The following RXRG variants were observed in gnomAD, a reference collection of about 807,000 sequenced individuals.
The protein encoded by RXRG is retinoic acid receptor RXR-gamma.
In RXRG, 19 loss-of-function variants were observed where a neutral mutation model predicts 49.2. That is an observed-to-expected ratio of 0.39 (90% CI 0.27 to 0.57). The LOEUF (loss-of-function observed/expected upper bound fraction) is 0.57, where lower values mean the gene tolerates loss of function less well. Among genes scored for constraint, RXRG ranks in the 20% least tolerant of loss-of-function variants. The pLI is 0.64. For missense variants in RXRG, 452 were observed against 592.5 expected, an observed-to-expected ratio of 0.76 and a Z score of 2.46; for synonymous variants, 224 against 216.6, an observed-to-expected ratio of 1.03 and a Z score of -0.30.
At chr1:165,413,904 C>G (rs2101715169) in intron 4 of RXRG, among the ~76,000 whole-genome samples, 1 of 152,320 alleles carries the variant, frequency 6.6e-6, no homozygotes, top group South Asian at 2.1e-4. Flanking sequence ...CAGGTCCTGG[C>G]CCCTGATCCC....
chr1:165,434,784 G>C (rs1461802733), intron 1 of RXRG, among the ~76,000 whole-genome samples: 1 of 152,176 alleles, frequency 6.6e-6, no homozygotes, highest in Admixed American at 6.5e-5. Flanking sequence ...ACAATGATAG[G>C]ATTCTCAGAC....
chr1:165,409,520 C>T (rs1557911025), intron 7 of RXRG, 38 bp downstream of exon 7: 19 of 1,350,446 alleles, frequency 1.4e-5, no homozygotes, highest in Middle Eastern at 1.9e-4. Context: ...CACACACACA[C>T]ATAATACACA....
At chr1:165,422,990 C>A (rs1293425045) in intron 2 of RXRG, among the ~76,000 whole-genome samples, 2 of 152,214 alleles carry the variant, frequency 1.3e-5, no homozygotes, top group Non-Finnish European at 2.9e-5. Context: ...TGGCCAGGAG[C>A]CCCTGCAGGA....
chr1:165,408,043 G>T (rs894181388), intron 8 of RXRG, among the ~76,000 whole-genome samples, 184 bp downstream of exon 8: 1 of 152,006 alleles, frequency 6.6e-6, no homozygotes, highest in African/African-American at 2.4e-5. Context: ...CCAGACACGC[G>T]CCTGCCACAC....
chr1:165,417,347 A>T (rs577156902), intron 3 of RXRG, 127 bp from the exon 4 acceptor site: 1 of 772,354 alleles, frequency 1.3e-6, no homozygotes, highest in South Asian at 2.1e-5. Flanking sequence ...ACAGAAAGCA[A>T]ATAATCACTA....
At position 165,428,898 on chromosome 1, in the gene RXRG, C is replaced by T. The variant is rs752699044; in HGVS notation, c.118G>A (p.Asp40Asn). The change falls in exon 2 of 10, where the codon GAC becomes AAC. Residue 40 changes from aspartate to asparagine, a missense_variant. By Grantham distance (23) the Asp-to-Asn change is conservative. This residue lies in a region of RXRG where 166 missense variants were observed against 151.7 expected (regional missense o/e 1.09). Transcript: ENST00000359842. ...SAALSTGKPM[D>N]SHPSYTDTPV... ...GTATCTGTGTAGCTGGGGTGGCTGT[C>T]CATTGGCTTCCCTGTGGACAAGGCT... 1.9e-5 allele frequency: 30 copies of T among 1,613,984 alleles called. 2 individuals are homozygous for T. The South Asian group carries it at 3.2e-4, about 17-fold the overall frequency.
intron 8 of RXRG, 50 bp from the exon 9 acceptor site, chr1:165,406,967 G>GGT: frequency 7.5e-7 from 1 of 1,340,688 alleles, no homozygotes; most frequent in Non-Finnish European, 1.1e-6. Flanking sequence ...TCCAGCAGAG[G>GGT]CTGTCCCCAT....
intron 1 of RXRG, among the ~76,000 whole-genome samples, chr1:165,444,527 A>G (rs1659100422): frequency 6.6e-6 from 1 of 152,072 alleles, no homozygotes; most frequent in African/African-American, 2.4e-5. Flanking sequence ...GCACAAACAC[A>G]CTGGGTTATA....
At chr1:165,423,974 A>G (rs1292389856) in intron 2 of RXRG, among the ~76,000 whole-genome samples, 3 of 152,226 alleles carry the variant, frequency 2.0e-5, no homozygotes, top group African/African-American at 7.2e-5. Context: ...AGCAGAAATT[A>G]GCAATGATAG....
At chr1:165,413,964 AT>A (rs1391028802) in intron 4 of RXRG, among the ~76,000 whole-genome samples, 1 of 152,154 alleles carries the variant, frequency 6.6e-6, no homozygotes, top group Non-Finnish European at 1.5e-5. Context: ...TATCTGTGTG[AT>A]TTCCATGGTC....
chr1:165,405,576 T>C (rs1465031389), intron 9 of RXRG, among the ~76,000 whole-genome samples: 1 of 152,132 alleles, frequency 6.6e-6, no homozygotes, highest in Non-Finnish European at 1.5e-5. Context: ...CTCCACCTCT[T>C]CCCCCTTCCA....
intron 4 of RXRG, among the ~76,000 whole-genome samples, chr1:165,414,010 G>A (rs1353389698): frequency 6.6e-6 from 1 of 152,092 alleles, no homozygotes; most frequent in Non-Finnish European, 1.5e-5. Flanking sequence ...TATTATTCTT[G>A]TCCTCAAGAA....
intron 4 of RXRG, among the ~76,000 whole-genome samples, chr1:165,414,046 T>A (rs1299371243): frequency 6.6e-6 from 1 of 152,172 alleles, no homozygotes; most frequent in East Asian, 1.9e-4. Flanking sequence ...CCCCAAATTC[T>A]ATAAATCAAG....
chr1:165,419,317 A>T (rs1159285819), intron 3 of RXRG, among the ~76,000 whole-genome samples: 1 of 152,030 alleles, frequency 6.6e-6, no homozygotes, highest in Non-Finnish European at 1.5e-5. Context: ...TTTTCTTTGC[A>T]GTTTTCTAGT....
Position 165,410,707 on chromosome 1 carries a change from C to G in RXRG, c.908G>C (p.Arg303Pro), listed in dbSNP as rs746856217. 1 of 1,613,828 alleles carries G rather than the reference C, an allele frequency of 6.2e-7. No individual in the cohort carries two copies. Among genetic ancestry groups the G allele is most frequent in the Non-Finnish European group, 8.5e-7 (1 of 1,179,964 alleles). Residue 303 changes from arginine (R) to proline (P), a missense_variant, in exon 6 of 10, where the codon CGG becomes CCG. Arg to Pro is a moderately radical substitution (Grantham distance 103). Coordinates refer to ENST00000359842, the MANE Select transcript of RXRG (RefSeq NM_006917.5). ...AGGCAGCCAATGTGCTTTACCTGCC[C>G]GAAGCAAAATGACCTGGTCCTCCAA... is the stretch of plus-strand genomic sequence containing the variant. ...LTLEDQVILL[R>P]AGWNELLIAS...
intron 9 of RXRG, among the ~76,000 whole-genome samples, chr1:165,403,987 C>T (rs1328301854): frequency 1.3e-5 from 2 of 152,176 alleles, no homozygotes; most frequent in Admixed American, 6.5e-5. Context: ...TGTGTGAGTT[C>T]TGTGACCTGA....
chr1:165,407,497 G>A (rs1483245971), intron 8 of RXRG, among the ~76,000 whole-genome samples: 1 of 152,050 alleles, frequency 6.6e-6, no homozygotes, highest in East Asian at 1.9e-4. Context: ...AGGTTCCTCT[G>A]CTGGCTCTCC....
rs1657767077 is a variant in RXRG, at chr1:165,406,817, T to A, written c.1239A>T (p.Pro413=). 1.2e-6 allele frequency: 2 copies of A among 1,613,026 alleles called. No individual in the cohort carries two copies. Among genetic ancestry groups the A allele is most frequent in the Non-Finnish European group, 1.7e-6 (2 of 1,179,110 alleles). ...AYTKQKYPEQ[P]GRFAKLLLRL... The stretch of plus-strand genomic sequence containing the variant: ...TTCTGCCAGCACTGTCTCACCTGCC[T>A]GGCTGTTCCGGATACTTCTGCTTGG... The change falls in exon 9 of 10, where the codon CCA becomes CCT. Residue 413 remains proline, a synonymous_variant. Transcript: ENST00000359842.
intron 4 of RXRG, among the ~76,000 whole-genome samples, chr1:165,413,419 C>T (rs1160041188): frequency 6.6e-6 from 1 of 152,170 alleles, no homozygotes; most frequent in African/African-American, 2.4e-5. Flanking sequence ...ATTTAATCCT[C>T]ACAATAATGC....
Sources: gnomAD v4.1 joint callset for allele counts (sites outside exome capture counted in the v4.1 genomes callset) on GRCh38, gnomAD v4.1.1 for gene constraint, gnomAD v4.1.1 regional missense constraint, MANE v1.5 for transcripts, NCBI Gene and HGNC (gene_info 2026-07-23, HGNC 2026-07-21) for gene names.